Variants in PTPRN2 observed in about 807,000 individuals in gnomAD.
PTPRN2 encodes protein tyrosine phosphatase receptor type N2.
PTPRN2 carries 74 observed loss-of-function variants against 118.8 expected under a neutral mutation model. The ratio of observed to expected loss-of-function variants is 0.62; its 90% CI spans 0.52 to 0.76. The LOEUF is 0.76. Among genes scored for constraint, PTPRN2 ranks in the 30% least tolerant of loss-of-function variants. The pLI is 0.00. For synonymous variants in PTPRN2, 641 were observed against 608.0 expected, an observed-to-expected ratio of 1.05 and a Z score of -0.80; for missense variants, 1,481 against 1,394.4, an observed-to-expected ratio of 1.06 and a Z score of -0.99.
chr7:158,409,649 G>A (rs1385509707), intron 2 of PTPRN2, among the ~76,000 whole-genome samples: 1 of 152,172 alleles, frequency 6.6e-6, no homozygotes, highest in Non-Finnish European at 1.5e-5. Flanking sequence ...GGCTGTGAGG[G>A]TTCCGGGGGT....
chr7:158,268,128 T>C (rs1241993203), intron 3 of PTPRN2, among the ~76,000 whole-genome samples: 2 of 152,166 alleles, frequency 1.3e-5, no homozygotes, highest in Non-Finnish European at 2.9e-5. Context: ...CAATCACAGC[T>C]CATTGAGCCG....
intron 1 of PTPRN2, among the ~76,000 whole-genome samples, chr7:158,583,137 T>C (rs1486958447): frequency 6.6e-6 from 1 of 152,130 alleles, no homozygotes; most frequent in Non-Finnish European, 1.5e-5. Context: ...AGTCGATGAG[T>C]AACTGCATCC....
intron 2 of PTPRN2, among the ~76,000 whole-genome samples, chr7:158,340,759 C>G (rs1397759316): frequency 4.7e-5 from 4 of 85,466 alleles, no homozygotes; most frequent in African/African-American, 1.9e-4. Flanking sequence ...ACGTCACACA[C>G]ACCCACACTC....
intron 2 of PTPRN2, among the ~76,000 whole-genome samples, chr7:158,474,040 G>A (rs181950076): frequency 1.3e-5 from 2 of 152,158 alleles, no homozygotes; most frequent in African/African-American, 4.8e-5. Context: ...AAGATCTCGC[G>A]CTTAGGAGAC....
intron 2 of PTPRN2, among the ~76,000 whole-genome samples, chr7:158,373,650 G>A (rs893539101): frequency 1.3e-5 from 2 of 152,212 alleles, no homozygotes; most frequent in Non-Finnish European, 2.9e-5. Context: ...CAATTAATGT[G>A]ATTCATCCAT....
chr7:157,693,461 G>C (rs1335896705), intron 12 of PTPRN2, among the ~76,000 whole-genome samples: 1 of 152,124 alleles, frequency 6.6e-6, no homozygotes, highest in Non-Finnish European at 1.5e-5. Context: ...CCCCGGGATC[G>C]GCCGCTGGGG....
At position 158,390,903 on chromosome 7, in the gene PTPRN2, G is replaced by A. The variant is rs1487610370; in HGVS notation, c.164-73971C>T. Among the ~76,000 whole-genome samples, 4 of 152,262 alleles carry A rather than the reference G, an allele frequency of 2.6e-5. No homozygotes were observed. The East Asian group carries it at 5.8e-4, about 22-fold the overall frequency. ...GGGCAGATGAAAACCCATCCCCCACGGGTGCCGCGTCACATGCACTGTGTC... is the reference window on the plus strand; with the variant it reads ...GGGCAGATGAAAACCCATCCCCCACAGGTGCCGCGTCACATGCACTGTGTC... On this transcript the variant is annotated intron_variant, in intron 2 of 22. Coordinates refer to ENST00000389418, the MANE Select transcript of PTPRN2 (RefSeq NM_002847.5).
At chr7:158,168,296 C>T (rs1317094538) in intron 5 of PTPRN2, among the ~76,000 whole-genome samples, 1 of 152,226 alleles carries the variant, frequency 6.6e-6, no homozygotes, top group Non-Finnish European at 1.5e-5. Context: ...CTTTGCACGG[C>T]AGCTCGGAGT....
rs773340848 is a variant in PTPRN2, at chr7:157,632,177, T to C, written c.2197-10668A>G. On this transcript the variant is annotated intron_variant, in intron 14 of 22. Transcript: ENST00000389418. This position sits in a 1 kb window ranked among gnomAD's most constrained non-coding sequence, Gnocchi z 4.3. The stretch of plus-strand genomic sequence containing the variant: ...GTAAGAAATCACACTGACAAAGGAG[T>C]TCTTACACAATGCCCAGGTGACCTG... Among the ~76,000 whole-genome samples, 2 of 151,956 alleles carry C rather than the reference T, an allele frequency of 1.3e-5. No individual in the cohort carries two copies. The highest frequency in any genetic ancestry group is 2.4e-5 in the African/African-American group (1 of 41,368).
At chr7:158,072,047 G>A (rs1334669286) in intron 11 of PTPRN2, among the ~76,000 whole-genome samples, 28 of 141,278 alleles carry the variant, frequency 2.0e-4, no homozygotes, top group Admixed American at 5.6e-4. Flanking sequence ...GCTCGTGGTG[G>A]TGGAGGTTCC....
intron 11 of PTPRN2, among the ~76,000 whole-genome samples, chr7:157,991,071 G>A (rs1458443923): frequency 6.6e-6 from 1 of 152,134 alleles, no homozygotes; most frequent in East Asian, 1.9e-4. Context: ...TGGATGCAGG[G>A]GCACTGCTAT....
intron 2 of PTPRN2, among the ~76,000 whole-genome samples, chr7:158,444,172 C>G (rs1261150027): frequency 6.6e-6 from 1 of 152,250 alleles, no homozygotes; most frequent in Non-Finnish European, 1.5e-5. Flanking sequence ...GCCCAGCACC[C>G]CTCCGGCAGC....
intron 6 of PTPRN2, among the ~76,000 whole-genome samples, chr7:158,139,412 G>T (rs1280559308): frequency 6.6e-6 from 1 of 152,090 alleles, no homozygotes; most frequent in African/African-American, 2.4e-5. Context: ...AGCGATCATC[G>T]TTGGAAGAAC....
chr7:157,733,411 G>A lies in PTPRN2; in HGVS notation c.1789-50474C>T, dbSNP rs1800075317. Among the ~76,000 whole-genome samples, 3 of 81,622 alleles carry A rather than the reference G, an allele frequency of 3.7e-5. 1 individual carries two copies. The South Asian group carries it at 1.1e-3, about 30-fold the overall frequency. 53.5% of individuals were successfully genotyped at this position (81,622 alleles called of 152,430 possible). ...GCACAGTTACCCTTCCACCCCATGC[G>A]CCCAGCACAGTTACTCTTTTCCGTC... On this transcript the variant is annotated intron_variant, in intron 12 of 22. Transcript: ENST00000389418.
At position 157,881,944 on chromosome 7, in the gene PTPRN2, A is replaced by G. The variant is rs924593155; in HGVS notation, c.1788+16729T>C. The stretch of plus-strand genomic sequence containing the variant: ...TTTCTAATGTAGGAGATGAGAACAC[A>G]TCACCCCAAAAATGACTGTCATACA... On this transcript the variant is annotated intron_variant, in intron 12 of 22. Transcript: ENST00000389418. The surrounding 1 kb of genome is among the most constrained non-coding windows in gnomAD (Gnocchi z 4.7). Among the ~76,000 whole-genome samples the G allele has an allele frequency of 6.6e-6, 1 of 152,220 alleles. No homozygotes were observed. Among genetic ancestry groups the G allele is most frequent in the Non-Finnish European group, 1.5e-5 (1 of 68,048 alleles).
chr7:158,117,021 C>T (rs941077165), intron 9 of PTPRN2, among the ~76,000 whole-genome samples: 8 of 150,254 alleles, frequency 5.3e-5, no homozygotes, highest in African/African-American at 2.0e-4. Context: ...TTGCAAGAAA[C>T]AAGAAACAAA....
At chr7:157,736,566 G>A (rs1800311375) in intron 12 of PTPRN2, among the ~76,000 whole-genome samples, 1 of 145,652 alleles carries the variant, frequency 6.9e-6, no homozygotes, top group African/African-American at 2.5e-5. Flanking sequence ...GCCCCCCACA[G>A]CTTGGTCTGG....
chr7:158,219,238 TA>T (rs1828170141), intron 3 of PTPRN2, among the ~76,000 whole-genome samples: 1 of 151,898 alleles, frequency 6.6e-6, no homozygotes, highest in South Asian at 2.1e-4. Context: ...ACATGTAATA[TA>T]AATACAAATA....
intron 2 of PTPRN2, among the ~76,000 whole-genome samples, chr7:158,337,362 C>T (rs1385559598): frequency 3.3e-5 from 3 of 90,366 alleles, no homozygotes; most frequent in Non-Finnish European, 7.7e-5. Flanking sequence ...GCAGACGTCC[C>T]TCACACCCAC....
Sources: gnomAD v4.1 joint callset for allele counts (sites outside exome capture counted in the v4.1 genomes callset) on GRCh38, gnomAD v4.1.1 for gene constraint, Gnocchi (gnomAD v3.1) non-coding constraint, MANE v1.5 for transcripts, NCBI Gene and HGNC (gene_info 2026-07-23, HGNC 2026-07-21) for gene names.